Variants in MYBPC2 observed in about 807,000 individuals in gnomAD.
MYBPC2 encodes myosin-binding protein C, fast-type.
MYBPC2 carries 122 observed loss-of-function variants against 137.0 expected under a neutral mutation model. That is an observed-to-expected ratio of 0.89 (90% confidence interval 0.77 to 1.03). The LOEUF (loss-of-function observed/expected upper bound fraction) is 1.03. Among genes scored for constraint, MYBPC2 ranks in the 50% least tolerant of loss-of-function variants. MYBPC2 has a pLI of 0.00. For missense variants in MYBPC2, 1,500 were observed against 1,534.4 expected, an observed-to-expected ratio of 0.98 and a Z score of 0.37; for synonymous variants, 626 against 612.3, an observed-to-expected ratio of 1.02 and a Z score of -0.33.
Position 50,454,146 on chromosome 19 carries a change from G to C in MYBPC2, c.1876G>C (p.Glu626Gln). 1.9e-6 allele frequency: 3 copies of C among 1,613,744 alleles called. No homozygotes were observed. Among genetic ancestry groups the C allele is most frequent in the Non-Finnish European group, 2.5e-6 (3 of 1,179,818 alleles). Residue 626 changes from glutamate to glutamine, a missense_variant, in exon 17 of 28, where the codon GAG (glutamate) becomes CAG (glutamine). Transcript: ENST00000357701. ...YTIKVTNPVGEDVASIFLQVV... is the reference protein window; with the variant it reads ...YTIKVTNPVGQDVASIFLQVV... ...CATCAAGGTCACCAACCCCGTCGGC[G>C]AGGACGTGGCTTCCATCTTCCTGCA... is the stretch of plus-strand genomic sequence containing the variant.
Position 50,454,269 on chromosome 19 carries a change from C to T in MYBPC2, c.1914C>T (p.Val638=), listed in dbSNP as rs1284183799. ...TGACTCTCCTGCCCCCTGCAGATGT[C>T]CCAGACCCCCCGGAGGCTGTGCGCA... ...VASIFLQVVD[V]PDPPEAVRIT... is the part of the protein sequence containing the mutation. Residue 638 remains valine, a synonymous_variant, in exon 18 of 28, where the codon GTC becomes GTT. Transcript: ENST00000357701. The T allele has an allele frequency of 1.2e-6, 2 of 1,613,734 alleles. No homozygotes were observed. The highest frequency in any genetic ancestry group is 1.3e-5 in the African/African-American group (1 of 74,884).
In MYBPC2 at chr19:50,432,987, C is replaced by T; in HGVS notation, c.19+15C>T. ...GGCAAAACCAGGTGGCGCCAGGACCCCCTCCCTGTGTGGGGATGGGGCTCT... is the reference window on the plus strand; with the variant it reads ...GGCAAAACCAGGTGGCGCCAGGACCTCCTCCCTGTGTGGGGATGGGGCTCT... On this transcript the variant is annotated intron_variant, in intron 1 of 27. Transcript: ENST00000357701. The surrounding 1 kb of genome is among the most constrained non-coding windows in gnomAD (Gnocchi z 5.5). The T allele has an allele frequency of 1.9e-6, 3 of 1,592,898 alleles. No homozygotes were observed. Among genetic ancestry groups the T allele is most frequent in the Non-Finnish European group, 2.6e-6 (3 of 1,171,886 alleles).
At position 50,435,641 on chromosome 19, in the gene MYBPC2, C is replaced by T. The variant is rs949515925; in HGVS notation, c.110-135C>T. ...GTGGCCTTTCCCAGGTCAGGAAAAG[C>T]CATTTAACCCCCATGATGTTTGGTT... On this transcript the variant is annotated intron_variant, in intron 2 of 27. Transcript: ENST00000357701. The surrounding 1 kb of genome is among the most constrained non-coding windows in gnomAD (Gnocchi z 4.8). The T allele has an allele frequency of 6.6e-6, 5 of 758,416 alleles. No homozygotes were observed. The highest frequency in any genetic ancestry group is 1.1e-5 in the Non-Finnish European group (5 of 474,402). 47.0% of individuals were successfully genotyped at this position (758,416 alleles called of 1,614,324 possible).
At chr19:50,448,884 G>C (rs1469030733) in intron 13 of MYBPC2, among the ~76,000 whole-genome samples, 1 of 150,650 alleles carries the variant, frequency 6.6e-6, no homozygotes, top group African/African-American at 2.4e-5. Context: ...ACAGGCATGC[G>C]CCACCATGCT....
chr19:50,452,504 G>GTATCTATCTATCTATCTATCTATC (rs1208324934), intron 16 of MYBPC2, among the ~76,000 whole-genome samples: 34 of 102,962 alleles, frequency 3.3e-4, no homozygotes, highest in African/African-American at 7.1e-4. Context: ...ATGTATGTAT[G>GTATCTATCTATCTATCTATCTATC]TATGTATCTA....
intron 12 of MYBPC2, among the ~76,000 whole-genome samples, chr19:50,446,617 C>T (rs548286217): frequency 4.6e-5 from 7 of 151,160 alleles, no homozygotes; most frequent in African/African-American, 1.5e-4. Context: ...GTCGGGAGTT[C>T]GAGACCAGCC....
intron 10 of MYBPC2, 40 bp from the exon 11 acceptor site, chr19:50,443,671 G>A (rs761149352): frequency 1.1e-5 from 17 of 1,610,864 alleles, no homozygotes; most frequent in Middle Eastern, 1.6e-4. Context: ...CTCTGGAGGG[G>A]GTCCTGAAAC....
At chr19:50,451,658 G>A (rs1351517156) in intron 15 of MYBPC2, among the ~76,000 whole-genome samples, 1 of 150,358 alleles carries the variant, frequency 6.7e-6, no homozygotes, top group Non-Finnish European at 1.5e-5. Flanking sequence ...GTATGAGGGA[G>A]GAGGGGCTGG....
chr19:50,451,245 T>G (rs373253288), intron 14 of MYBPC2, 35 bp from the exon 15 acceptor site: 137 of 1,612,852 alleles, frequency 8.5e-5, no homozygotes, highest in Non-Finnish European at 1.1e-4. Context: ...CCTGCTGAGT[T>G]TAGACCTAAC....
rs1416189578 is a variant in MYBPC2, at chr19:50,461,564, G to GT, written c.2955dup (p.Asn986Ter). 1.9e-5 allele frequency: 31 copies of GT among 1,613,394 alleles called. No individual in the cohort carries two copies. The highest frequency in any genetic ancestry group is 1.1e-4 in the East Asian group (5 of 44,870). ...TAGGAGTGGTTCAACGTCTATGAAC[G>GT]TAACAGGCACACTAGCTGTACTGTG... On this transcript the variant is annotated frameshift_variant, in exon 25 of 28. Coordinates refer to ENST00000357701, the MANE Select transcript of MYBPC2 (RefSeq NM_004533.4). LOFTEE classifies it high-confidence loss of function.
At position 50,448,266 on chromosome 19, in the gene MYBPC2, G is replaced by A. The variant is rs759269062; in HGVS notation, c.1348G>A (p.Val450Met). ...EVLQDIADLT[V>M]KASEQAVFKC... ...CCTGCAGGACATCGCGGATCTGACG[G>A]TGAAGGCCTCAGAACAAGCTGTGTT... Residue 450 changes from valine to methionine, a missense_variant, in exon 13 of 28, where the codon GTG (valine) becomes ATG (methionine). Val to Met is a conservative substitution (Grantham distance 21). Transcript: ENST00000357701. 1 of 1,613,814 alleles carries A rather than the reference G, an allele frequency of 6.2e-7. No homozygotes were observed. Among genetic ancestry groups the A allele is most frequent in the Admixed American group, 1.7e-5 (1 of 60,008 alleles).
intron 4 of MYBPC2, 117 bp downstream of exon 4, chr19:50,436,277 T>C (rs2039703013): frequency 2.1e-6 from 3 of 1,430,738 alleles, no homozygotes; most frequent in Non-Finnish European, 2.8e-6. Flanking sequence ...GGATGGAGAG[T>C]GGGCCCTCTG....
At chr19:50,448,561 C>A (rs190337858) in intron 13 of MYBPC2, among the ~76,000 whole-genome samples, 171 bp downstream of exon 13, 1 of 151,992 alleles carries the variant, frequency 6.6e-6, no homozygotes, top group Non-Finnish European at 1.5e-5. Context: ...CTCCGCCTCC[C>A]GGATTCAAGC....
intron 1 of MYBPC2, among the ~76,000 whole-genome samples, chr19:50,433,737 G>C (rs1001886394): frequency 2.0e-5 from 3 of 151,348 alleles, no homozygotes; most frequent in African/African-American, 7.3e-5. Context: ...TCCACATCCG[G>C]GGATGGCATC....
chr19:50,461,607 CAATG>C lies in MYBPC2; in HGVS notation c.3001_3004del (p.Glu1001ThrfsTer50). The C allele has an allele frequency of 6.2e-7, 1 of 1,613,676 alleles. No homozygotes were observed. The highest frequency in any genetic ancestry group is 8.5e-7 in the Non-Finnish European group (1 of 1,179,828). ...GTACTGTGTCCGACCTTATCGTGGG[CAATG>C]AATACTATTTCCGAGTTTACACCGA... On this transcript the variant is annotated frameshift_variant, in exon 25 of 28. Transcript: ENST00000357701. LOFTEE classifies it high-confidence loss of function.
At chr19:50,441,284 T>C (rs2039752883) in intron 8 of MYBPC2, among the ~76,000 whole-genome samples, 1 of 152,168 alleles carries the variant, frequency 6.6e-6, no homozygotes, top group Non-Finnish European at 1.5e-5. Context: ...CCATAAGACA[T>C]GCCCACCAGT....
At position 50,443,530 on chromosome 19, in the gene MYBPC2, T is replaced by C; in HGVS notation, c.939T>C (p.Leu313=). 2 of 1,613,302 alleles carry C rather than the reference T, an allele frequency of 1.2e-6. No homozygotes were observed. The highest frequency in any genetic ancestry group is 1.3e-5 in the African/African-American group (1 of 75,032). The change falls in exon 10 of 28, where the codon CTT becomes CTC. Residue 313 remains leucine, a synonymous_variant. Transcript: ENST00000357701. ...VFENVGKKRI[L]TINKCTLADD... Reference sequence around the variant, plus strand: ...AGAACGTTGGTAAGAAGCGAATTCTTACCATCAACAAGTGCACGCTGGCGG... The same window carrying C: ...AGAACGTTGGTAAGAAGCGAATTCTCACCATCAACAAGTGCACGCTGGCGG...
At position 50,441,009 on chromosome 19, in the gene MYBPC2, C is replaced by T; in HGVS notation, c.702C>T (p.Gly234=). The change falls in exon 8 of 28, where the codon GGC becomes GGT. Residue 234 remains glycine, a synonymous_variant. Coordinates refer to ENST00000357701, the MANE Select transcript of MYBPC2 (RefSeq NM_004533.4). ...SEYEKIAFQY[G]ITDLRGMLKR... ...ACGAGAAAATCGCCTTCCAGTATGGCATCACCGACCTCCGGGGCATGCTGA... is the reference window on the plus strand; with the variant it reads ...ACGAGAAAATCGCCTTCCAGTATGGTATCACCGACCTCCGGGGCATGCTGA... 2.5e-6 allele frequency: 4 copies of T among 1,611,704 alleles called. No individual in the cohort carries two copies. The African/African-American group carries it at 4.0e-5, about 16-fold the overall frequency.
Position 50,435,775 on chromosome 19 carries a change from GA to G in MYBPC2, c.111del (p.Ala38ProfsTer18). 6.2e-7 allele frequency: 1 copy of G among 1,607,228 alleles called. No homozygotes were observed. The highest frequency in any genetic ancestry group is 8.5e-7 in the Non-Finnish European group (1 of 1,175,358). On this transcript the variant is annotated frameshift_variant and splice_region_variant, in exon 3 of 28. Coordinates refer to ENST00000357701, the MANE Select transcript of MYBPC2 (RefSeq NM_004533.4). LOFTEE classifies it high-confidence loss of function. The surrounding 1 kb of genome is among the most constrained non-coding windows in gnomAD (Gnocchi z 4.8). ...TCATCCTAATCCTGTCCCCTGAACA[GA>G]AGCCCCACCCGAGGACCAGTCCCCG... ...PKEAPAEAPK[E>X]APPEDQSPTA...
Sources: gnomAD v4.1 joint callset for allele counts (sites outside exome capture counted in the v4.1 genomes callset) on GRCh38, gnomAD v4.1.1 for gene constraint, Gnocchi (gnomAD v3.1) non-coding constraint, MANE v1.5 for transcripts, NCBI Gene and HGNC (gene_info 2026-07-23, HGNC 2026-07-21) for gene names.